The following PDE4D variants were observed in gnomAD, a reference collection of about 807,000 sequenced individuals.
PDE4D encodes the protein phosphodiesterase 4D.
A neutral mutation model predicts 87.4 loss-of-function variants in PDE4D; 24 were observed. The ratio of observed to expected loss-of-function variants is 0.27; its 90% CI spans 0.20 to 0.39. PDE4D has a LOEUF of 0.39. Ranked by LOEUF, PDE4D falls within the 10% of genes least tolerant of loss-of-function variation. The pLI is 1.00. For missense variants in PDE4D, 714 were observed against 1,041.0 expected (o/e 0.69, Z 4.32); for synonymous variants, 384 against 383.2 (o/e 1.00, Z -0.02).
intron 1 of PDE4D, among the ~76,000 whole-genome samples, chr5:59,488,535 T>C (rs1412633909): frequency 6.6e-6 from 1 of 152,238 alleles, no homozygotes; most frequent in African/African-American, 2.4e-5. Context: ...AATGGTGATA[T>C]CAGTGTGTGC....
intron 1 of PDE4D, chr5:59,529,170 TTA>T: frequency 1.4e-5 from 7 of 485,004 alleles, no homozygotes; most frequent in South Asian, 1.1e-4. Flanking sequence ...TCTTCTGGTA[TTA>T]TGTTTTCAAA....
At chr5:59,805,933 GTC>G (rs1313754717) in intron 1 of PDE4D, among the ~76,000 whole-genome samples, 4 of 152,176 alleles carry the variant, frequency 2.6e-5, no homozygotes, top group African/African-American at 9.7e-5. Context: ...CTCCTATTGA[GTC>G]TCTGCCACTG....
chr5:59,002,756 A>C (rs2153354873), intron 6 of PDE4D, among the ~76,000 whole-genome samples: 1 of 152,338 alleles, frequency 6.6e-6, no homozygotes, highest in South Asian at 2.1e-4. Flanking sequence ...ATGTCTAGCC[A>C]AGACCAGTTA....
chr5:60,089,438 A>T (rs1774873768), intron 2 of PDE4D, among the ~76,000 whole-genome samples: 1 of 152,074 alleles, frequency 6.6e-6, no homozygotes, highest in South Asian at 2.1e-4. Context: ...GCTACTGAAA[A>T]ACAAATTGGT....
chr5:60,273,287 A>G (rs1255164554), intron 1 of PDE4D, among the ~76,000 whole-genome samples: 1 of 152,150 alleles, frequency 6.6e-6, no homozygotes, highest in Non-Finnish European at 1.5e-5. Context: ...AAATGGGAGA[A>G]TGGAAAGACA....
At chr5:60,130,547 A>T (rs1278202425) in intron 2 of PDE4D, among the ~76,000 whole-genome samples, 1 of 152,184 alleles carries the variant, frequency 6.6e-6, no homozygotes, top group East Asian at 1.9e-4. Flanking sequence ...CTTTCCCATG[A>T]ACTCAACTGA....
intron 1 of PDE4D, among the ~76,000 whole-genome samples, chr5:60,392,018 A>G (rs1195459128): frequency 6.6e-6 from 1 of 152,118 alleles, no homozygotes; most frequent in Admixed American, 6.6e-5. Context: ...TAACTCAATC[A>G]CAATTACTGA....
intron 3 of PDE4D, among the ~76,000 whole-genome samples, chr5:59,973,178 G>T (rs2152819351): frequency 6.6e-6 from 1 of 152,236 alleles, no homozygotes. Context: ...GAATTTGTAT[G>T]AATGAAATTG....
chr5:59,263,226 C>T (rs576135143), intron 1 of PDE4D, among the ~76,000 whole-genome samples: 12 of 151,930 alleles, frequency 7.9e-5, no homozygotes, highest in Admixed American at 6.6e-4. Flanking sequence ...GTTGAATGCC[C>T]ATGATGGAGC....
Position 59,110,370 on chromosome 5 carries a change from T to C in PDE4D, c.808+70225A>G, listed in dbSNP as rs1021432753. On this transcript the variant is annotated intron_variant, in intron 5 of 14. Transcript: ENST00000340635. ...GTCTGGGTAACCAACTGTCTTTCCC[T>C]AGGCGATACCCCTAGTAACTCCTAA... Among the ~76,000 whole-genome samples, 3 of 152,202 alleles carry C rather than the reference T, an allele frequency of 2.0e-5. No individual in the cohort carries two copies. The South Asian group carries it at 6.2e-4, about 31-fold the overall frequency.
At chr5:60,269,318 A>G (rs1750577244) in intron 1 of PDE4D, among the ~76,000 whole-genome samples, 1 of 152,190 alleles carries the variant, frequency 6.6e-6, no homozygotes, top group Non-Finnish European at 1.5e-5. Context: ...AAAAAATACA[A>G]AAAACAACAT....
In PDE4D at chr5:59,615,121, C is replaced by T. The variant is rs553362531; in HGVS notation, c.455+278047G>A. ...CTGGGATTACAGGCATGAGCCACCA[C>T]GCCTGGCTGGGATATTTTTATGTTG... is the stretch of plus-strand genomic sequence containing the variant. On this transcript the variant is annotated intron_variant, in intron 1 of 14. Transcript: ENST00000340635. 5.3e-5 allele frequency among the ~76,000 whole-genome samples: 8 copies of T among 152,284 alleles called. No individual in the cohort carries two copies. In the East Asian group the frequency reaches 9.7e-4, roughly 18 times the overall value.
chr5:59,801,441 A>G (rs768812630), intron 1 of PDE4D, among the ~76,000 whole-genome samples: 1 of 152,224 alleles, frequency 6.6e-6, no homozygotes, highest in Non-Finnish European at 1.5e-5. Context: ...TTAGGAACTT[A>G]TCTGGTGATA....
chr5:59,488,587 C>G (rs777079511), intron 1 of PDE4D, among the ~76,000 whole-genome samples: 42 of 151,914 alleles, frequency 2.8e-4, no homozygotes, highest in Non-Finnish European at 5.1e-4. Context: ...TACTTAAAGC[C>G]AGGATATTCA....
intron 1 of PDE4D, among the ~76,000 whole-genome samples, chr5:59,518,554 G>A (rs1811602008): frequency 6.6e-6 from 1 of 152,104 alleles, no homozygotes; most frequent in Admixed American, 6.5e-5. Context: ...ACAACAGTGA[G>A]CAATACCAAA....
chr5:59,118,515 AC>A (rs1430511268), intron 5 of PDE4D, among the ~76,000 whole-genome samples: 2 of 152,212 alleles, frequency 1.3e-5, no homozygotes, highest in Non-Finnish European at 2.9e-5. Context: ...CTGCTCTAGC[AC>A]TTTTCCACAA....
At position 60,358,590 on chromosome 5, in the gene PDE4D, T is replaced by C. The variant is rs117424726; in HGVS notation, c.-90+129352A>G. On this transcript the variant is annotated intron_variant, in intron 1 of 16. Coordinates refer to the PDE4D transcript ENST00000502484. ...GCACTTTACAGGACAGCCAGCCATC[T>C]TTCCCAACCCATGTCACCCATTGTG... Among the ~76,000 whole-genome samples the C allele has an allele frequency of 8.5e-5, 13 of 152,286 alleles. No individual in the cohort carries two copies. The East Asian group carries it at 1.7e-3, about 20-fold the overall frequency.
At chr5:60,385,270 T>C (rs1583592029) in intron 1 of PDE4D, among the ~76,000 whole-genome samples, 2 of 152,322 alleles carry the variant, frequency 1.3e-5, no homozygotes, top group East Asian at 1.9e-4. Flanking sequence ...TACTGGTGTG[T>C]AAATGACCAG....
chr5:59,875,372 A>G (rs1748406092), intron 1 of PDE4D, among the ~76,000 whole-genome samples: 1 of 148,410 alleles, frequency 6.7e-6, no homozygotes, highest in Non-Finnish European at 1.5e-5. Context: ...GAGGCAGGAG[A>G]ATCTCTTGAA....
Sources: gnomAD v4.1 joint callset for allele counts (sites outside exome capture counted in the v4.1 genomes callset) on GRCh38, gnomAD v4.1.1 for gene constraint, MANE v1.5 for transcripts, NCBI Gene and HGNC (gene_info 2026-07-23, HGNC 2026-07-21) for gene names.